The following CMC1 variants were observed in gnomAD, a reference collection of about 807,000 sequenced individuals.
The protein encoded by CMC1 is COX assembly mitochondrial protein homolog.
A neutral mutation model predicts 14.1 loss-of-function variants in CMC1; 14 were observed. The observed-to-expected ratio is 0.99, with a 90% confidence interval of 0.66 to 1.55. CMC1 has a LOEUF of 1.55. Ranked by LOEUF, CMC1 falls within the 40% of genes most tolerant of loss-of-function variation. The probability of loss-of-function intolerance (pLI) is 0.00; values close to 1 mark genes in which losing one functional copy is unlikely to be tolerated. For missense variants in CMC1, 127 were observed against 123.8 expected, an observed-to-expected ratio of 1.03 and a Z score of -0.12; for synonymous variants, 50 against 38.4, an observed-to-expected ratio of 1.30 and a Z score of -1.12.
At chr3:28,248,601 C>T (rs1698951799) in intron 1 of CMC1, among the ~76,000 whole-genome samples, 1 of 152,064 alleles carries the variant, frequency 6.6e-6, no homozygotes, top group African/African-American at 2.4e-5. Flanking sequence ...GTCTTGTTGC[C>T]TGGATTAGTA....
chr3:28,263,395 T>C lies in CMC1; in HGVS notation c.109+15T>C. The C allele has an allele frequency of 2.0e-6, 3 of 1,495,664 alleles. No individual in the cohort carries two copies. Among genetic ancestry groups the C allele is most frequent in the Non-Finnish European group, 2.7e-6 (3 of 1,091,174 alleles). The allele number at this position is 1,495,664 out of a possible 1,614,324, so 92.6% of individuals were successfully genotyped here. On this transcript the variant is annotated intron_variant, in intron 2 of 3. Coordinates refer to ENST00000466830, the MANE Select transcript of CMC1 (RefSeq NM_182523.2). ...ACAAGTTCAAGGTAACATTCAAATATTCATGTAAAGATCAAATTTATTTTT... is the reference window on the plus strand; with the variant it reads ...ACAAGTTCAAGGTAACATTCAAATACTCATGTAAAGATCAAATTTATTTTT...
chr3:28,285,314 G>A (rs1701114343), intron 2 of CMC1, among the ~76,000 whole-genome samples: 1 of 151,888 alleles, frequency 6.6e-6, no homozygotes, highest in Non-Finnish European at 1.5e-5. Flanking sequence ...TTCAAAAGCT[G>A]TTTATGGATG....
intron 2 of CMC1, among the ~76,000 whole-genome samples, chr3:28,290,259 G>A (rs539743905): frequency 2.0e-5 from 3 of 151,816 alleles, no homozygotes; most frequent in Non-Finnish European, 2.9e-5. Context: ...TTGATCTGTT[G>A]CTTGATTTTA....
intron 2 of CMC1, among the ~76,000 whole-genome samples, chr3:28,308,998 AT>A (rs1313548064): frequency 2.9e-4 from 44 of 151,862 alleles, no homozygotes; most frequent in East Asian, 7.7e-4. Context: ...AAATAAATAA[AT>A]AAATAAATAA....
At chr3:28,287,884 A>G (rs560277430) in intron 2 of CMC1, among the ~76,000 whole-genome samples, 1 of 152,044 alleles carries the variant, frequency 6.6e-6, no homozygotes, top group African/African-American at 2.4e-5. Flanking sequence ...ATATTAAAAT[A>G]TTAAATTGGC....
chr3:28,279,555 T>C (rs1290225249), intron 2 of CMC1, among the ~76,000 whole-genome samples: 1 of 115,292 alleles, frequency 8.7e-6, no homozygotes, highest in Non-Finnish European at 2.0e-5. Context: ...TGTAATTGCT[T>C]AAGAACCATA....
chr3:28,284,560 G>C (rs1272473585), intron 2 of CMC1, among the ~76,000 whole-genome samples: 18 of 152,104 alleles, frequency 1.2e-4, no homozygotes, highest in Non-Finnish European at 7.4e-5. Context: ...TGCATCCAAG[G>C]TTGAGAAATA....
intron 2 of CMC1, among the ~76,000 whole-genome samples, chr3:28,296,548 A>G (rs1316750523): frequency 6.6e-6 from 1 of 152,074 alleles, no homozygotes; most frequent in Admixed American, 6.6e-5. Flanking sequence ...TTTAACAAAT[A>G]AGACTGTGAC....
rs554303236 is a variant in CMC1 at position 28,308,310 on chromosome 3, C to T, written c.110-8023C>T. Among the ~76,000 whole-genome samples, 14 of 152,100 alleles carry T rather than the reference C, an allele frequency of 9.2e-5. 1 individual carries two copies. In the South Asian group the frequency reaches 2.9e-3, roughly 32 times the overall value. On this transcript the variant is annotated intron_variant, in intron 2 of 3. Coordinates refer to ENST00000466830, the MANE Select transcript of CMC1 (RefSeq NM_182523.2). ...AAAGAAAAAGCTACTTTTATATCTT[C>T]ATGAACGGTAATACAATACATTGAG... is the stretch of plus-strand genomic sequence containing the variant.
intron 1 of CMC1, among the ~76,000 whole-genome samples, chr3:28,251,356 C>T (rs559471501): frequency 2.6e-5 from 4 of 152,264 alleles, no homozygotes; most frequent in Admixed American, 2.6e-4. Context: ...CTAGTCCACT[C>T]CAGCAAGAGC....
chr3:28,300,310 G>C (rs1701958830), intron 2 of CMC1, among the ~76,000 whole-genome samples: 1 of 152,058 alleles, frequency 6.6e-6, no homozygotes, highest in Non-Finnish European at 1.5e-5. Context: ...TGTATATTTT[G>C]TGAAAAGGAA....
At chr3:28,297,310 G>A (rs1701785656) in intron 2 of CMC1, 1 of 151,996 alleles carries the variant, frequency 6.6e-6, no homozygotes, top group African/African-American at 2.4e-5. Flanking sequence ...TAAAGAAAAT[G>A]TAAACTTTTA....
At chr3:28,262,571 C>T (rs1699786744) in intron 1 of CMC1, among the ~76,000 whole-genome samples, 2 of 152,056 alleles carry the variant, frequency 1.3e-5, no homozygotes, top group African/African-American at 4.8e-5. Context: ...TTTTGGCATG[C>T]GTGTTTTTCC....
chr3:28,271,389 G>A lies in CMC1; in HGVS notation c.109+8009G>A, dbSNP rs564997623. Among the ~76,000 whole-genome samples the A allele has an allele frequency of 2.0e-4, 31 of 152,278 alleles. No homozygotes were observed. In the South Asian group the frequency reaches 5.0e-3, roughly 24 times the overall value. On this transcript the variant is annotated intron_variant, in intron 2 of 3. Coordinates refer to ENST00000466830, the MANE Select transcript of CMC1 (RefSeq NM_182523.2). ...GAGTTAATTTTTGTATAAGGTGTAA[G>A]GAAGGGGTCCAGTTTCAGTTTTCTG...
intron 1 of CMC1, among the ~76,000 whole-genome samples, chr3:28,245,297 T>G (rs1429694762): frequency 6.6e-6 from 1 of 152,232 alleles, no homozygotes; most frequent in East Asian, 1.9e-4. Flanking sequence ...TTTTTGTTAA[T>G]GTAGCAGTAA....
chr3:28,291,373 C>A (rs1370128578), intron 2 of CMC1, among the ~76,000 whole-genome samples: 1 of 151,916 alleles, frequency 6.6e-6, no homozygotes, highest in Non-Finnish European at 1.5e-5. Context: ...CTTTTTTTCC[C>A]CTCTATATTT....
intron 2 of CMC1, among the ~76,000 whole-genome samples, chr3:28,313,136 G>A (rs1016277113): frequency 2.0e-5 from 3 of 152,088 alleles, no homozygotes; most frequent in Admixed American, 1.3e-4. Flanking sequence ...GATTACAGGC[G>A]TGAGCCACCG....
chr3:28,247,496 G>T (rs556447825), intron 1 of CMC1, among the ~76,000 whole-genome samples: 1 of 152,130 alleles, frequency 6.6e-6, no homozygotes. Flanking sequence ...TCAGTCATTG[G>T]TTACTGTAGT....
chr3:28,266,371 A>G (rs1051461507), intron 2 of CMC1, among the ~76,000 whole-genome samples: 8 of 152,218 alleles, frequency 5.3e-5, no homozygotes, highest in African/African-American at 9.6e-5. Flanking sequence ...AATGAAAACT[A>G]TAACGTAATA....
Sources: gnomAD v4.1 joint callset for allele counts (sites outside exome capture counted in the v4.1 genomes callset) on GRCh38, gnomAD v4.1.1 for gene constraint, MANE v1.5 for transcripts, NCBI Gene and HGNC (gene_info 2026-07-23, HGNC 2026-07-21) for gene names.